The following PSMD1 variants were observed in gnomAD, a reference collection of about 807,000 sequenced individuals.
PSMD1 encodes the protein proteasome 26S subunit, non-ATPase 1, also known as 26S proteasome non-ATPase regulatory subunit 1.
In PSMD1, 18 loss-of-function variants were observed where a neutral mutation model predicts 119.0. The observed-to-expected ratio is 0.15, with a 90% CI of 0.10 to 0.22. PSMD1 has a LOEUF of 0.22. PSMD1 is among the 10% of genes least tolerant of loss of function. The probability of loss-of-function intolerance (pLI) is 1.00; values close to 1 mark genes in which losing one functional copy is unlikely to be tolerated. For synonymous variants in PSMD1, 374 were observed against 396.6 expected, an observed-to-expected ratio of 0.94 and a Z score of 0.68; for missense variants, 702 against 1,158.5, an observed-to-expected ratio of 0.61 and a Z score of 5.72.
chr2:231,165,879 A>T lies in PSMD1; in HGVS notation c.2577A>T (p.Ala859=), dbSNP rs1386203761. ...TAAATTTTATTTTATAGGATGAGGCAGAGAAAAAGGAGGAAAAAGAGAAGA... is the reference window on the plus strand; with the variant it reads ...TAAATTTTATTTTATAGGATGAGGCTGAGAAAAAGGAGGAAAAAGAGAAGA... ...KEEEKMEVDE[A]EKKEEKEKKK... The change falls in exon 23 of 25, where the codon GCA becomes GCT. Residue 859 remains alanine, a synonymous_variant. Coordinates refer to ENST00000308696, the MANE Select transcript of PSMD1 (RefSeq NM_002807.4). 2 of 1,609,856 alleles carry T rather than the reference A, an allele frequency of 1.2e-6. No individual in the cohort carries two copies. The highest frequency in any genetic ancestry group is 3.4e-5 in the Admixed American group (2 of 59,488).
intron 6 of PSMD1, among the ~76,000 whole-genome samples, chr2:231,071,116 C>T (rs1694032242): frequency 1.3e-5 from 2 of 151,956 alleles, no homozygotes; most frequent in Admixed American, 1.3e-4. Flanking sequence ...GTTTTCTCTA[C>T]ATAGGTTTTC....
intron 14 of PSMD1, 64 bp downstream of exon 14, chr2:231,083,827 CT>C: frequency 6.7e-7 from 1 of 1,489,430 alleles, no homozygotes; most frequent in Non-Finnish European, 9.3e-7. Context: ...CTTAACTTCA[CT>C]GGAAATTAAC....
intron 16 of PSMD1, among the ~76,000 whole-genome samples, chr2:231,129,894 C>T (rs1275230337): frequency 6.6e-6 from 1 of 152,176 alleles, no homozygotes; most frequent in East Asian, 1.9e-4. Flanking sequence ...CACTCTGTCA[C>T]CCAGGCTGGA....
chr2:231,137,646 C>T (rs1278136578), intron 16 of PSMD1, among the ~76,000 whole-genome samples: 1 of 151,988 alleles, frequency 6.6e-6, no homozygotes, highest in Non-Finnish European at 1.5e-5. Context: ...GATCCCGTCA[C>T]CCAAGTATTA....
chr2:231,108,699 C>T (rs775856573), intron 16 of PSMD1: 3 of 1,614,104 alleles, frequency 1.9e-6, no homozygotes, highest in Non-Finnish European at 2.5e-6. Context: ...GAGTTCTCTG[C>T]CATTGGATTC....
intron 9 of PSMD1, among the ~76,000 whole-genome samples, chr2:231,077,556 A>C (rs1233361580): frequency 6.6e-6 from 1 of 152,090 alleles, no homozygotes; most frequent in Non-Finnish European, 1.5e-5. Context: ...TTTATTACAA[A>C]AAAAAAAGAA....
intron 16 of PSMD1, among the ~76,000 whole-genome samples, chr2:231,123,129 A>G (rs1695603298): frequency 6.6e-6 from 1 of 152,202 alleles, no homozygotes; most frequent in African/African-American, 2.4e-5. Context: ...TAGATAATAT[A>G]TTCAGAATCT....
chr2:231,107,049 G>A (rs1694994272), intron 16 of PSMD1, among the ~76,000 whole-genome samples: 1 of 152,002 alleles, frequency 6.6e-6, no homozygotes, highest in African/African-American at 2.4e-5. Context: ...CCTCTTATGT[G>A]AGATAACCAT....
intron 16 of PSMD1, among the ~76,000 whole-genome samples, chr2:231,092,137 T>C (rs889093677): frequency 5.9e-5 from 9 of 152,186 alleles, no homozygotes; most frequent in Non-Finnish European, 1.2e-4. Flanking sequence ...TTTATAAGTG[T>C]GCCTATGAAT....
intron 1 of PSMD1, 114 bp downstream of exon 1, chr2:231,057,155 T>A: frequency 7.7e-7 from 1 of 1,300,600 alleles, no homozygotes; most frequent in South Asian, 1.6e-5. Context: ...CCTGGGCAGC[T>A]TCTTGCTGCC....
chr2:231,131,694 G>A lies in PSMD1; in HGVS notation c.1884-7042G>A, dbSNP rs1167820544. Among the ~76,000 whole-genome samples the A allele has an allele frequency of 4.0e-4, 20 of 49,450 alleles. 4 individuals carry two copies. The highest frequency in any genetic ancestry group is 6.2e-4 in the Non-Finnish European group (20 of 32,300). 32.4% of individuals were successfully genotyped at this position (49,450 alleles called of 152,430 possible). ...GGAGAATGGCGTGAACCCGGGAGGC[G>A]GAGCTTGCAGTGAGCCGAGGTCCCG... On this transcript the variant is annotated intron_variant, in intron 16 of 24. Transcript: ENST00000308696.
In PSMD1 at chr2:231,096,161, T is replaced by C. The variant is rs1694719218; in HGVS notation, c.1883+8980T>C. Among the ~76,000 whole-genome samples, 5 of 152,348 alleles carry C rather than the reference T, an allele frequency of 3.3e-5. No individual in the cohort carries two copies. The South Asian group carries it at 1.0e-3, about 32-fold the overall frequency. ...TTTAAAATAAATGGGTTCATGTACC[T>C]GATTGCCTTGTTGATCTTGCATTAC... is the stretch of plus-strand genomic sequence containing the variant. On this transcript the variant is annotated intron_variant, in intron 16 of 24. Transcript: ENST00000308696.
At chr2:231,062,117 TA>T in intron 2 of PSMD1, 130 bp from the exon 3 acceptor site, 1 of 596,972 alleles carries the variant, frequency 1.7e-6, no homozygotes, top group Non-Finnish European at 3.0e-6. Flanking sequence ...GGTAAATTTT[TA>T]TATTTGTCAT....
At chr2:231,068,560 G>T (rs545581659) in intron 5 of PSMD1, among the ~76,000 whole-genome samples, 11 of 152,056 alleles carry the variant, frequency 7.2e-5, no homozygotes, top group Non-Finnish European at 1.6e-4. Context: ...GAAAATTCCG[G>T]AAATAAACAA....
intron 16 of PSMD1, among the ~76,000 whole-genome samples, chr2:231,135,739 T>C (rs1415331392): frequency 6.6e-6 from 1 of 152,160 alleles, no homozygotes; most frequent in Non-Finnish European, 1.5e-5. Context: ...CCTAGATCTT[T>C]AGTTTTCTAA....
At chr2:231,151,318 C>G (rs2125258120) in intron 18 of PSMD1, among the ~76,000 whole-genome samples, 1 of 152,138 alleles carries the variant, frequency 6.6e-6, no homozygotes, top group East Asian at 1.9e-4. Flanking sequence ...ATATCTGTAA[C>G]TAGATGTGAA....
At chr2:231,122,885 T>G (rs749406226) in intron 16 of PSMD1, among the ~76,000 whole-genome samples, 1 of 152,140 alleles carries the variant, frequency 6.6e-6, no homozygotes, top group Admixed American at 6.5e-5. Context: ...ATGACACATA[T>G]GTAGGAATTG....
chr2:231,145,873 A>AC (rs1438128133), intron 17 of PSMD1, among the ~76,000 whole-genome samples: 1 of 141,872 alleles, frequency 7.0e-6, no homozygotes, highest in African/African-American at 2.7e-5. Flanking sequence ...AGTCTGGGTG[A>AC]CAAGAGTTGA....
chr2:231,068,224 C>T (rs1420457556), intron 5 of PSMD1, among the ~76,000 whole-genome samples: 1 of 152,042 alleles, frequency 6.6e-6, no homozygotes, highest in Non-Finnish European at 1.5e-5. Context: ...CCTTTTTCAC[C>T]ACTGTATCCC....
Sources: allele counts gnomAD v4.1 joint callset (sites outside exome capture counted in the v4.1 genomes callset), GRCh38; gene constraint gnomAD v4.1.1; transcripts MANE v1.5; gene names NCBI Gene and HGNC (gene_info 2026-07-23, HGNC 2026-07-21).